NWD2: variants seen among roughly 807,000 people sequenced by gnomAD.
The protein encoded by NWD2 is NACHT and WD repeat domain-containing protein 2.
A neutral mutation model predicts 132.7 loss-of-function variants in NWD2; 37 were observed. That is an observed-to-expected ratio of 0.28 (90% CI 0.21 to 0.37). NWD2 has a LOEUF of 0.37. NWD2 is among the 10% of genes least tolerant of loss of function. The probability of loss-of-function intolerance (pLI) is 1.00; values close to 1 mark genes in which losing one functional copy is unlikely to be tolerated. For missense variants in NWD2, 1,592 were observed against 2,122.4 expected (o/e 0.75, Z 4.91); for synonymous variants, 705 against 803.0 (o/e 0.88, Z 2.06).
chr4:37,254,093 A>T (rs1717455586), intron 1 of NWD2, among the ~76,000 whole-genome samples: 1 of 152,214 alleles, frequency 6.6e-6, no homozygotes, highest in African/African-American at 2.4e-5. Context: ...AAAAATAACT[A>T]ATGGGTAGTA....
At chr4:37,269,317 A>C (rs1370234353) in intron 1 of NWD2, among the ~76,000 whole-genome samples, 1 of 151,924 alleles carries the variant, frequency 6.6e-6, no homozygotes, top group Non-Finnish European at 1.5e-5. Flanking sequence ...ATTAGGGAGC[A>C]ATGCAAAACT....
chr4:37,447,736 A>C lies in NWD2; in HGVS notation c.*519A>C, dbSNP rs538852634. On this transcript the variant is annotated 3_prime_UTR_variant, in exon 7 of 7. Transcript: ENST00000309447. Reference sequence around the variant, plus strand: ...TAAAGGTGCAAAATATGTAACAAAAATACCCAAGTGTATTCCCAGTTTCCC... The same window carrying C: ...TAAAGGTGCAAAATATGTAACAAAACTACCCAAGTGTATTCCCAGTTTCCC... The C allele has an allele frequency of 2.6e-4, 41 of 155,240 alleles. No individual in the cohort carries two copies. The highest frequency in any genetic ancestry group is 5.0e-4 in the Non-Finnish European group (35 of 69,892). 9.6% of individuals were successfully genotyped at this position (155,240 alleles called of 1,614,324 possible).
intron 3 of NWD2, among the ~76,000 whole-genome samples, chr4:37,383,808 G>A (rs1720506698): frequency 6.6e-6 from 1 of 152,056 alleles, no homozygotes. Context: ...AGTTTTCTGG[G>A]TTTTTGCGCC....
intron 1 of NWD2, among the ~76,000 whole-genome samples, chr4:37,309,864 C>G (rs1478835666): frequency 6.6e-6 from 1 of 152,166 alleles, no homozygotes; most frequent in Non-Finnish European, 1.5e-5. Flanking sequence ...GTTGTTCTCC[C>G]TAGGCATGCA....
At chr4:37,335,586 C>T (rs1560398058) in intron 2 of NWD2, among the ~76,000 whole-genome samples, 1 of 151,966 alleles carries the variant, frequency 6.6e-6, no homozygotes, top group Non-Finnish European at 1.5e-5. Flanking sequence ...GGCCACATGG[C>T]AGGAGGTGAG....
In NWD2 at chr4:37,259,144, G is replaced by T. The variant is rs1401209970; in HGVS notation, c.151+13926G>T. 2.0e-5 allele frequency among the ~76,000 whole-genome samples: 3 copies of T among 152,206 alleles called. No homozygotes were observed. The East Asian group carries it at 5.8e-4, about 29-fold the overall frequency. On this transcript the variant is annotated intron_variant, in intron 1 of 6. Coordinates refer to ENST00000309447, the MANE Select transcript of NWD2 (RefSeq NM_001144990.2). ...AGCACCATAATCTAGATTATGCACT[G>T]CCCAGTGTTTATGAGCTGTGTAACC...
intron 1 of NWD2, among the ~76,000 whole-genome samples, chr4:37,255,982 A>G (rs78508907): frequency 6.6e-6 from 1 of 152,202 alleles, no homozygotes; most frequent in South Asian, 2.1e-4. Context: ...TATTTGAAAG[A>G]TGAGAAATAC....
At chr4:37,425,657 C>G (rs527312821) in intron 3 of NWD2, among the ~76,000 whole-genome samples, 47 of 152,284 alleles carry the variant, frequency 3.1e-4, no homozygotes, top group South Asian at 1.2e-3. Context: ...GACTTCAATG[C>G]AAAATTCAAT....
At chr4:37,407,684 T>A (rs191813912) in intron 3 of NWD2, among the ~76,000 whole-genome samples, 11 of 152,350 alleles carry the variant, frequency 7.2e-5, no homozygotes, top group Admixed American at 5.2e-4. Context: ...TTGAAGCAAC[T>A]GGGAACTAAA....
intron 3 of NWD2, among the ~76,000 whole-genome samples, chr4:37,371,072 CTTTTTCTTTTTTTT>C (rs1156978230): frequency 9.9e-6 from 1 of 100,526 alleles, no homozygotes; most frequent in African/African-American, 3.9e-5. Flanking sequence ...ATTTTTTTTT[CTTTTTCTTTTTTTT>C]TTTTTTTTTG....
chr4:37,403,377 G>A (rs2109316183), intron 3 of NWD2, among the ~76,000 whole-genome samples: 1 of 152,290 alleles, frequency 6.6e-6, no homozygotes, highest in East Asian at 1.9e-4. Context: ...TAGCTCAGGT[G>A]AACATGAAGG....
chr4:37,336,782 T>C (rs1407518345), intron 2 of NWD2, among the ~76,000 whole-genome samples: 2 of 151,122 alleles, frequency 1.3e-5, no homozygotes, highest in African/African-American at 2.4e-5. Context: ...CTACTAAAAA[T>C]AAAAAAATTA....
intron 3 of NWD2, among the ~76,000 whole-genome samples, chr4:37,411,627 C>A (rs1721158337): frequency 6.6e-6 from 1 of 152,202 alleles, no homozygotes; most frequent in Admixed American, 6.5e-5. Context: ...CTCCCTAACT[C>A]ATTTTATGAG....
At chr4:37,331,717 C>T (rs1719295762) in intron 2 of NWD2, among the ~76,000 whole-genome samples, 1 of 152,116 alleles carries the variant, frequency 6.6e-6, no homozygotes, top group South Asian at 2.1e-4. Flanking sequence ...GCATGAGAAC[C>T]AAAAATCAGG....
At chr4:37,371,075 T>C (rs1257470390) in intron 3 of NWD2, among the ~76,000 whole-genome samples, 4 of 100,678 alleles carry the variant, frequency 4.0e-5, no homozygotes, top group African/African-American at 1.6e-4. Flanking sequence ...TTTTTTTCTT[T>C]TTCTTTTTTT....
At chr4:37,302,624 TTATTTTTTG>T (rs1389810263) in intron 1 of NWD2, among the ~76,000 whole-genome samples, 1 of 152,086 alleles carries the variant, frequency 6.6e-6, no homozygotes, top group Non-Finnish European at 1.5e-5. Context: ...AGCATTTTTT[TTATTTTTTG>T]TATTTTTTGA....
intron 1 of NWD2, among the ~76,000 whole-genome samples, chr4:37,275,432 C>A (rs747025376): frequency 6.6e-6 from 1 of 151,822 alleles, no homozygotes; most frequent in Non-Finnish European, 1.5e-5. Context: ...AAAGAGGATA[C>A]AAAGAAATAG....
At chr4:37,352,224 G>A (rs1719783130) in intron 2 of NWD2, among the ~76,000 whole-genome samples, 1 of 152,146 alleles carries the variant, frequency 6.6e-6, no homozygotes, top group Admixed American at 6.5e-5. Context: ...TTCAAGTCCT[G>A]AATATCCTTG....
chr4:37,347,241 C>T (rs1414608079), intron 2 of NWD2, among the ~76,000 whole-genome samples: 2 of 151,836 alleles, frequency 1.3e-5, no homozygotes, highest in Admixed American at 1.3e-4. Context: ...ATATGTATTC[C>T]TCCTGGAGAA....
Sources: gnomAD v4.1 joint callset for allele counts (sites outside exome capture counted in the v4.1 genomes callset) on GRCh38, gnomAD v4.1.1 for gene constraint, MANE v1.5 for transcripts, NCBI Gene and HGNC (gene_info 2026-07-23, HGNC 2026-07-21) for gene names.